Variants in CDK14 observed in about 807,000 individuals in gnomAD.
CDK14 encodes cyclin-dependent kinase 14.
Under a neutral mutation model 60.7 loss-of-function variants are expected in CDK14, and 34 were observed. That is an observed-to-expected ratio of 0.56 (90% CI 0.43 to 0.75). The LOEUF is 0.75. CDK14 is among the 30% of genes least tolerant of loss of function. The pLI, the probability that CDK14 is intolerant of heterozygous loss-of-function variation, is 0.00. For synonymous variants in CDK14, 197 were observed against 203.7 expected, an observed-to-expected ratio of 0.97 and a Z score of 0.28; for missense variants, 482 against 564.1, an observed-to-expected ratio of 0.85 and a Z score of 1.47.
intron 14 of CDK14, among the ~76,000 whole-genome samples, chr7:91,198,181 T>C (rs1802609146): frequency 6.6e-6 from 1 of 152,170 alleles, no homozygotes; most frequent in Admixed American, 6.5e-5. Flanking sequence ...AGAATAGATA[T>C]TTCTGCTGTA....
intron 13 of CDK14, among the ~76,000 whole-genome samples, chr7:91,113,271 A>T (rs908247574): frequency 1.3e-5 from 2 of 152,222 alleles, no homozygotes; most frequent in African/African-American, 4.8e-5. Context: ...GTACAGACTG[A>T]AGACATGTAA....
chr7:90,727,246 T>C (rs1394595094), intron 3 of CDK14, among the ~76,000 whole-genome samples: 3 of 152,248 alleles, frequency 2.0e-5, no homozygotes, highest in South Asian at 4.1e-4. Flanking sequence ...GGGGGGGTAC[T>C]CCACCAGTCT....
rs182077343 is a variant in CDK14 at position 90,863,345 on chromosome 7, G to A, written c.639+76G>A. On this transcript the variant is annotated intron_variant, in intron 6 of 14. Coordinates refer to ENST00000380050, the MANE Select transcript of CDK14 (RefSeq NM_001287135.2). The stretch of plus-strand genomic sequence containing the variant: ...TCTTATAGTGTTGTCATAGAATTTC[G>A]TTTTTAGATTGCTGTACTGAAGTTA... 3.0e-4 allele frequency: 246 copies of A among 822,162 alleles called. 3 individuals are homozygous for A. Among genetic ancestry groups the A allele is most frequent in the South Asian group, 1.3e-3 (78 of 59,910 alleles). The allele number at this position is 822,162 out of a possible 1,614,324, so 50.9% of individuals were successfully genotyped here.
chr7:90,609,278 G>A (rs150486469), intron 2 of CDK14, among the ~76,000 whole-genome samples: 108 of 152,188 alleles, frequency 7.1e-4, no homozygotes, highest in African/African-American at 2.3e-3. Flanking sequence ...TCCCATCTCA[G>A]CCTCCTAAAG....
intron 2 of CDK14, among the ~76,000 whole-genome samples, chr7:90,636,629 CAG>C (rs1244134699): frequency 1.3e-5 from 2 of 151,866 alleles, no homozygotes; most frequent in Non-Finnish European, 2.9e-5. Context: ...GCTTTGGTAT[CAG>C]GATGATGCTG....
intron 6 of CDK14, among the ~76,000 whole-genome samples, chr7:90,888,565 G>A (rs1792023408): frequency 6.6e-6 from 1 of 151,956 alleles, no homozygotes; most frequent in Non-Finnish European, 1.5e-5. Flanking sequence ...TTAGTTCTTT[G>A]TTTCTAACTC....
At chr7:90,732,084 T>C (rs546363981) in intron 3 of CDK14, among the ~76,000 whole-genome samples, 1 of 152,336 alleles carries the variant, frequency 6.6e-6, no homozygotes, top group African/African-American at 2.4e-5. Flanking sequence ...CCTTTCTGCA[T>C]CTTTTGAGAT....
chr7:90,983,259 A>G (rs1460975098), intron 9 of CDK14, among the ~76,000 whole-genome samples: 1 of 152,216 alleles, frequency 6.6e-6, no homozygotes, highest in Non-Finnish European at 1.5e-5. Flanking sequence ...ATACTCACGT[A>G]TTCACCACAG....
intron 14 of CDK14, among the ~76,000 whole-genome samples, chr7:91,159,612 A>G (rs1801103386): frequency 6.6e-6 from 1 of 152,244 alleles, no homozygotes; most frequent in Non-Finnish European, 1.5e-5. Context: ...TGTGCCCAGC[A>G]GCAAGGCGAA....
At chr7:90,683,414 C>T (rs2116566340) in intron 2 of CDK14, among the ~76,000 whole-genome samples, 1 of 152,310 alleles carries the variant, frequency 6.6e-6, no homozygotes, top group East Asian at 1.9e-4. Flanking sequence ...TACTTTGTGA[C>T]ATAACTAGAT....
intron 5 of CDK14, among the ~76,000 whole-genome samples, chr7:90,862,558 T>C (rs568426258): frequency 6.6e-6 from 1 of 152,298 alleles, no homozygotes; most frequent in South Asian, 2.1e-4. Flanking sequence ...ACCATTACAG[T>C]TGAGGATGCC....
intron 5 of CDK14, among the ~76,000 whole-genome samples, chr7:90,853,572 C>G (rs1007516788): frequency 6.6e-6 from 1 of 152,150 alleles, no homozygotes; most frequent in African/African-American, 2.4e-5. Context: ...ACCCCTCTCC[C>G]TCTGTGAGAG....
At chr7:90,866,241 C>T (rs1481585032) in intron 6 of CDK14, among the ~76,000 whole-genome samples, 8 of 148,598 alleles carry the variant, frequency 5.4e-5, no homozygotes, top group Non-Finnish European at 7.4e-5. Context: ...CATACACACA[C>T]ACACACACAC....
chr7:90,794,467 G>A (rs909653024), intron 5 of CDK14, among the ~76,000 whole-genome samples: 1 of 151,834 alleles, frequency 6.6e-6, no homozygotes, highest in African/African-American at 2.4e-5. Flanking sequence ...TTCCCTAGGC[G>A]GCCATTTTAG....
intron 10 of CDK14, among the ~76,000 whole-genome samples, chr7:91,038,763 C>A (rs1797001898): frequency 6.6e-6 from 1 of 152,150 alleles, no homozygotes; most frequent in Non-Finnish European, 1.5e-5. Flanking sequence ...GGTAATATTT[C>A]TCGTAATAGT....
chr7:91,179,273 A>T (rs1801905056), intron 14 of CDK14, among the ~76,000 whole-genome samples: 1 of 147,590 alleles, frequency 6.8e-6, no homozygotes. Context: ...CAAACCCCGC[A>T]TATTCTCACT....
chr7:91,122,601 G>A (rs1404767500), intron 14 of CDK14, among the ~76,000 whole-genome samples: 1 of 152,100 alleles, frequency 6.6e-6, no homozygotes, highest in Non-Finnish European at 1.5e-5. Context: ...TGACATTATG[G>A]CGGCTCACTT....
At chr7:91,196,449 G>A (rs1318514980) in intron 14 of CDK14, among the ~76,000 whole-genome samples, 1 of 152,188 alleles carries the variant, frequency 6.6e-6, no homozygotes, top group Non-Finnish European at 1.5e-5. Context: ...TAGATGTTCA[G>A]CAAATGTTTC....
At chr7:91,116,687 G>A (rs148925994) in intron 13 of CDK14, among the ~76,000 whole-genome samples, 6 of 152,110 alleles carry the variant, frequency 3.9e-5, no homozygotes, top group East Asian at 1.9e-4. Flanking sequence ...TGTCCACAAC[G>A]CCTGGCTTTC....
Sources: allele counts gnomAD v4.1 joint callset (sites outside exome capture counted in the v4.1 genomes callset), GRCh38; gene constraint gnomAD v4.1.1; transcripts MANE v1.5; gene names NCBI Gene and HGNC (gene_info 2026-07-23, HGNC 2026-07-21).